The following FOXO1 variants were observed in gnomAD, a reference collection of about 807,000 sequenced individuals.
FOXO1 encodes the protein forkhead box O1.
Under a neutral mutation model 44.1 loss-of-function variants are expected in FOXO1, and 6 were observed. The ratio of observed to expected loss-of-function variants is 0.14; its 90% CI spans 0.07 to 0.27. The LOEUF (loss-of-function observed/expected upper bound fraction) is 0.27. Ranked by LOEUF, FOXO1 falls within the 10% of genes least tolerant of loss-of-function variation. FOXO1 has a pLI of 1.00. For synonymous variants in FOXO1, 380 were observed against 362.7 expected, an observed-to-expected ratio of 1.05 and a Z score of -0.54; for missense variants, 737 against 888.8, an observed-to-expected ratio of 0.83 and a Z score of 2.17.
chr13:40,642,153 C>G (rs1214687229), intron 1 of FOXO1, among the ~76,000 whole-genome samples: 1 of 152,170 alleles, frequency 6.6e-6, no homozygotes. Flanking sequence ...GCATTTATAG[C>G]AGTGCCTGCC....
chr13:40,622,827 C>T (rs1249646837), intron 1 of FOXO1, among the ~76,000 whole-genome samples: 1 of 152,174 alleles, frequency 6.6e-6, no homozygotes, highest in Non-Finnish European at 1.5e-5. Context: ...TCCTATTTTG[C>T]TCATTCCCTA....
At chr13:40,628,185 T>A (rs73173177) in intron 1 of FOXO1, among the ~76,000 whole-genome samples, 279 of 152,106 alleles carry the variant, frequency 1.8e-3, no homozygotes, top group Non-Finnish European at 2.3e-3. Flanking sequence ...AAATAAAAAA[T>A]TTTTTTTAAA....
chr13:40,560,102 C>T lies in FOXO1; in HGVS notation c.1389G>A (p.Lys463=). The T allele has an allele frequency of 6.2e-7, 1 of 1,614,160 alleles. No homozygotes were observed. The highest frequency in any genetic ancestry group is 8.5e-7 in the Non-Finnish European group (1 of 1,180,044). Residue 463 remains lysine, a synonymous_variant, in exon 2 of 3, where the codon AAG becomes AAA. Coordinates refer to ENST00000379561, the MANE Select transcript of FOXO1 (RefSeq NM_002015.4). The surrounding 1 kb of genome is among the most constrained non-coding windows in gnomAD (Gnocchi z 5.1). ...SQYNCAPGLL[K]ELLTSDSPPH... is the part of the protein sequence containing the mutation. ...GAGGAGAGTCAGAAGTCAGCAACTC[C>T]TTCAAGAGTCCAGGCGCACAGTTAT...
chr13:40,639,499 AAG>A, intron 1 of FOXO1, among the ~76,000 whole-genome samples: 1 of 152,388 alleles, frequency 6.6e-6, no homozygotes, highest in Middle Eastern at 3.4e-3. Flanking sequence ...ATCACTCACT[AAG>A]CAACAAAGGC....
At chr13:40,629,304 A>G (rs1272016090) in intron 1 of FOXO1, among the ~76,000 whole-genome samples, 1 of 152,074 alleles carries the variant, frequency 6.6e-6, no homozygotes. Context: ...CACCACGCCC[A>G]GCTAATTTTG....
intron 1 of FOXO1, among the ~76,000 whole-genome samples, chr13:40,612,367 G>A (rs1566075393): frequency 6.6e-6 from 1 of 152,172 alleles, no homozygotes; most frequent in Non-Finnish European, 1.5e-5. Flanking sequence ...CAGCTACGAA[G>A]ATAAAGTGCC....
intron 1 of FOXO1, among the ~76,000 whole-genome samples, chr13:40,636,195 ACAGAGC>A (rs1348071421): frequency 1.3e-5 from 2 of 152,066 alleles, no homozygotes; most frequent in East Asian, 3.9e-4. Flanking sequence ...AACCTGGGCC[ACAGAGC>A]GAGATTCCAT....
chr13:40,614,738 A>G (rs1245039156), intron 1 of FOXO1, among the ~76,000 whole-genome samples: 2 of 152,224 alleles, frequency 1.3e-5, no homozygotes, highest in Non-Finnish European at 2.9e-5. Context: ...GGGCTAAAAG[A>G]AAACAATGAA....
chr13:40,639,878 G>A (rs1023041322), intron 1 of FOXO1, among the ~76,000 whole-genome samples: 3 of 152,212 alleles, frequency 2.0e-5, no homozygotes, highest in East Asian at 1.9e-4. Flanking sequence ...GACTGAGAAC[G>A]GGAGAGAGCA....
chr13:40,569,775 C>T (rs1483833672), intron 1 of FOXO1, among the ~76,000 whole-genome samples: 1 of 152,126 alleles, frequency 6.6e-6, no homozygotes, highest in Admixed American at 6.5e-5. Flanking sequence ...TTAATTTTTA[C>T]ATTTAAACAA....
chr13:40,603,461 C>T (rs1593396022), intron 1 of FOXO1, among the ~76,000 whole-genome samples: 1 of 150,518 alleles, frequency 6.6e-6, no homozygotes, highest in Non-Finnish European at 1.5e-5. Context: ...TGTGTCTGTA[C>T]ATGTGTGTGT....
At chr13:40,624,156 T>C (rs895724768) in intron 1 of FOXO1, among the ~76,000 whole-genome samples, 1 of 151,548 alleles carries the variant, frequency 6.6e-6, no homozygotes, top group African/African-American at 2.4e-5. Context: ...AAACAAAGCC[T>C]AGACGACCCT....
At chr13:40,638,214 C>T (rs1387939728) in intron 1 of FOXO1, among the ~76,000 whole-genome samples, 1 of 152,040 alleles carries the variant, frequency 6.6e-6, no homozygotes, top group African/African-American at 2.4e-5. Flanking sequence ...CAGCAGTGAA[C>T]CAGATCATTT....
intron 1 of FOXO1, among the ~76,000 whole-genome samples, chr13:40,613,090 T>C (rs529562244): frequency 6.6e-6 from 1 of 152,350 alleles, no homozygotes; most frequent in East Asian, 1.9e-4. Flanking sequence ...TGATCTCCAG[T>C]ATTTGAACCT....
At chr13:40,598,247 C>CA (rs1875669330) in intron 1 of FOXO1, among the ~76,000 whole-genome samples, 1 of 152,116 alleles carries the variant, frequency 6.6e-6, no homozygotes, top group Non-Finnish European at 1.5e-5. Context: ...CACAGGGTAG[C>CA]AACTTTGTCA....
At chr13:40,563,868 G>C (rs374362606) in intron 1 of FOXO1, among the ~76,000 whole-genome samples, 1 of 152,162 alleles carries the variant, frequency 6.6e-6, no homozygotes, top group African/African-American at 2.4e-5. Context: ...GCCCGCACTT[G>C]GGGTAGCACT....
intron 1 of FOXO1, among the ~76,000 whole-genome samples, chr13:40,639,616 A>T (rs1877282948): frequency 6.6e-6 from 1 of 152,248 alleles, no homozygotes; most frequent in Non-Finnish European, 1.5e-5. Context: ...TGGTCAGATA[A>T]TTCTCTGTTA....
chr13:40,613,716 T>C (rs1445510225), intron 1 of FOXO1, among the ~76,000 whole-genome samples: 4 of 152,204 alleles, frequency 2.6e-5, no homozygotes, highest in Middle Eastern at 3.2e-3. Context: ...AGGAAGCACA[T>C]TCAGGTCACT....
chr13:40,598,813 T>A (rs1188249137), intron 1 of FOXO1, among the ~76,000 whole-genome samples: 1 of 152,196 alleles, frequency 6.6e-6, no homozygotes, highest in Non-Finnish European at 1.5e-5. Flanking sequence ...ACTGACAAGA[T>A]CCCCAGGTGA....
Sources: gnomAD v4.1 joint callset for allele counts (sites outside exome capture counted in the v4.1 genomes callset) on GRCh38, gnomAD v4.1.1 for gene constraint, Gnocchi (gnomAD v3.1) non-coding constraint, MANE v1.5 for transcripts, NCBI Gene and HGNC (gene_info 2026-07-23, HGNC 2026-07-21) for gene names.